Variants in P3H2 observed in about 807,000 individuals in gnomAD.
The protein encoded by P3H2 is leprecan-like 1.
P3H2 carries 80 observed loss-of-function variants against 87.0 expected under a neutral mutation model. The observed-to-expected ratio is 0.92, with a 90% CI of 0.77 to 1.11. The LOEUF (loss-of-function observed/expected upper bound fraction) is 1.11, where lower values mean the gene tolerates loss of function less well. Among genes scored for constraint, P3H2 ranks in the 50% least tolerant of loss-of-function variants. The probability of loss-of-function intolerance (pLI) is 0.00; values close to 1 mark genes in which losing one functional copy is unlikely to be tolerated. For synonymous variants in P3H2, 367 were observed against 359.3 expected, an observed-to-expected ratio of 1.02 and a Z score of -0.24; for missense variants, 1,001 against 923.9, an observed-to-expected ratio of 1.08 and a Z score of -1.08.
chr3:190,003,834 G>A (rs1334888158), intron 1 of P3H2, among the ~76,000 whole-genome samples: 1 of 152,214 alleles, frequency 6.6e-6, no homozygotes, highest in African/African-American at 2.4e-5. Context: ...GGTGTCAGAT[G>A]ATGACTAATG....
At chr3:189,972,042 G>A (rs1336194653) in intron 11 of P3H2, 35 bp from the exon 12 acceptor site, 3 of 1,293,648 alleles carry the variant, frequency 2.3e-6, no homozygotes, top group Non-Finnish European at 3.4e-6. Flanking sequence ...AACGAGAAAT[G>A]AAGTGCAGCA....
intron 10 of P3H2, chr3:189,973,283 C>T (rs1723233303): frequency 2.3e-6 from 1 of 442,824 alleles, no homozygotes; most frequent in Non-Finnish European, 4.1e-6. Flanking sequence ...TCTCTAACAA[C>T]CCTTCCTGCA....
At chr3:190,010,804 T>C (rs989878298) in intron 1 of P3H2, among the ~76,000 whole-genome samples, 3 of 152,208 alleles carry the variant, frequency 2.0e-5, no homozygotes, top group African/African-American at 7.2e-5. Context: ...AATTCAAAAA[T>C]AGTAATTTAA....
chr3:190,112,928 T>C (rs1380835747), intron 1 of P3H2, among the ~76,000 whole-genome samples: 3 of 147,658 alleles, frequency 2.0e-5, no homozygotes, highest in African/African-American at 7.5e-5. Context: ...GAAAGATGAA[T>C]GGAAAAAAAA....
At chr3:189,967,471 G>A (rs942963195) in intron 13 of P3H2, among the ~76,000 whole-genome samples, 1 of 147,124 alleles carries the variant, frequency 6.8e-6, no homozygotes, top group Non-Finnish European at 1.5e-5. Context: ...TGGAGGAGAA[G>A]CAAAGAAATC....
intron 13 of P3H2, among the ~76,000 whole-genome samples, chr3:189,966,489 T>A (rs956266225): frequency 1.3e-5 from 2 of 152,194 alleles, no homozygotes; most frequent in Non-Finnish European, 2.9e-5. Context: ...TTCACAAGGA[T>A]CTCTAAGACC....
intron 1 of P3H2, among the ~76,000 whole-genome samples, chr3:190,052,056 A>G (rs1725999357): frequency 6.6e-6 from 1 of 152,212 alleles, no homozygotes; most frequent in Admixed American, 6.5e-5. Flanking sequence ...AAAGTGGAGA[A>G]ATAGAATAAA....
At position 189,975,486 on chromosome 3, in the gene P3H2, T is replaced by G. The variant is rs1723322945; in HGVS notation, c.1325-801A>C. Among the ~76,000 whole-genome samples the G allele has an allele frequency of 2.0e-5, 3 of 152,140 alleles. No homozygotes were observed. The South Asian group carries it at 6.2e-4, about 32-fold the overall frequency. ...GAGGAAATCTTCTGGTGTAGCATAG[T>G]GCAAACATTTTGAACCAGAAAATGG... On this transcript the variant is annotated intron_variant, in intron 8 of 14. Transcript: ENST00000319332.
chr3:190,093,826 T>C (rs1274142813), intron 1 of P3H2, among the ~76,000 whole-genome samples: 1 of 152,172 alleles, frequency 6.6e-6, no homozygotes, highest in Non-Finnish European at 1.5e-5. Context: ...TTTAGAAAAA[T>C]TCACCACATT....
In P3H2 at chr3:189,957,843, CAA is replaced by C. The variant is rs1722685821; in HGVS notation, c.*67_*68del. 1 of 1,102,764 alleles carries C rather than the reference CAA, an allele frequency of 9.1e-7. No individual in the cohort carries two copies. The highest frequency in any genetic ancestry group is 2.5e-5 in the East Asian group (1 of 40,148). The allele number at this position is 1,102,764 out of a possible 1,614,324, so 68.3% of individuals were successfully genotyped here. ...TGTTAATTTATACCATGGCTCTGTACAAAAATAAAAAGGTTCTCATAAGATTA... is the reference window on the plus strand; with the variant it reads ...TGTTAATTTATACCATGGCTCTGTACAAATAAAAAGGTTCTCATAAGATTA... On this transcript the variant is annotated 3_prime_UTR_variant, in exon 15 of 15. Transcript: ENST00000319332.
chr3:190,012,549 C>CTGATTTAAA (rs1724627691), intron 1 of P3H2, among the ~76,000 whole-genome samples: 1 of 152,174 alleles, frequency 6.6e-6, no homozygotes, highest in East Asian at 1.9e-4. Flanking sequence ...AATTTTGTCT[C>CTGATTTAAA]AGTTCCACTC....
intron 1 of P3H2, among the ~76,000 whole-genome samples, chr3:189,998,872 C>T (rs763490719): frequency 6.6e-6 from 1 of 152,114 alleles, no homozygotes; most frequent in African/African-American, 2.4e-5. Context: ...AAGATCATCA[C>T]GCAAGATTCT....
At chr3:190,003,042 T>A (rs1724264574) in intron 1 of P3H2, among the ~76,000 whole-genome samples, 1 of 152,232 alleles carries the variant, frequency 6.6e-6, no homozygotes, top group Admixed American at 6.5e-5. Context: ...TAGGTATAAG[T>A]AACTATTTAT....
chr3:190,116,102 G>A (rs1008231313), intron 1 of P3H2, among the ~76,000 whole-genome samples: 11 of 152,136 alleles, frequency 7.2e-5, no homozygotes, highest in African/African-American at 2.4e-4. Context: ...TGACAGAAGA[G>A]GAACAAAATT....
chr3:190,057,363 T>C (rs1199210484), intron 1 of P3H2, among the ~76,000 whole-genome samples: 1 of 152,160 alleles, frequency 6.6e-6, no homozygotes, highest in Non-Finnish European at 1.5e-5. Context: ...TTTTCTGTGT[T>C]AGGAGTAAGA....
Position 189,957,514 on chromosome 3 carries a change from A to AAAT in P3H2, c.*397_*398insATT. 1 of 398,340 alleles carries AAAT rather than the reference A, an allele frequency of 2.5e-6. No individual in the cohort carries two copies. The highest frequency in any genetic ancestry group is 4.4e-6 in the Non-Finnish European group (1 of 224,792). 24.7% of individuals were successfully genotyped at this position (398,340 alleles called of 1,614,324 possible). A position where few individuals can be genotyped will look rare whatever the true frequency, so the allele number is the denominator to read the frequency against. On this transcript the variant is annotated 3_prime_UTR_variant, in exon 15 of 15. Coordinates refer to ENST00000319332, the MANE Select transcript of P3H2 (RefSeq NM_018192.4). ...GGAGGTGAACTGGGCTTTGATAGAT[A>AAAT]CATGAAATGATGAAAAACCAAGAAA... is the stretch of plus-strand genomic sequence containing the variant.
At chr3:189,968,260 T>G (rs1422489464) in intron 13 of P3H2, among the ~76,000 whole-genome samples, 1 of 149,194 alleles carries the variant, frequency 6.7e-6, no homozygotes, top group African/African-American at 2.6e-5. Context: ...GTTATCCCCC[T>G]GACAGGCCCT....
chr3:189,958,694 T>A (rs1164999612), intron 14 of P3H2, among the ~76,000 whole-genome samples: 2 of 120,324 alleles, frequency 1.7e-5, no homozygotes, highest in East Asian at 5.0e-4. Flanking sequence ...GCAACATTGC[T>A]CCCTCTTTTT....
At chr3:190,014,066 T>C (rs1724677517) in intron 1 of P3H2, among the ~76,000 whole-genome samples, 1 of 152,214 alleles carries the variant, frequency 6.6e-6, no homozygotes, top group Non-Finnish European at 1.5e-5. Context: ...AGTTGATTTA[T>C]GAGAAGTATT....
Sources: allele counts gnomAD v4.1 joint callset (sites outside exome capture counted in the v4.1 genomes callset), GRCh38; gene constraint gnomAD v4.1.1; transcripts MANE v1.5; gene names NCBI Gene and HGNC (gene_info 2026-07-23, HGNC 2026-07-21).